The following GABRG1 variants were observed in gnomAD, a reference collection of about 807,000 sequenced individuals.
The protein encoded by GABRG1 is gamma-aminobutyric acid type A receptor subunit gamma1, also known as gamma-aminobutyric acid receptor subunit gamma-1.
In GABRG1, 49 loss-of-function variants were observed where a neutral mutation model predicts 49.8. The observed-to-expected ratio is 0.98, with a 90% CI of 0.78 to 1.25. GABRG1 has a LOEUF of 1.25. GABRG1 is among the 50% of genes most tolerant of loss of function. The pLI is 0.00. For missense variants in GABRG1, 552 were observed against 552.3 expected (o/e 1.00, Z 0.01); for synonymous variants, 232 against 185.1 (o/e 1.25, Z -2.06).
chr4:46,056,124 GA>G (rs1169065450), intron 7 of GABRG1, among the ~76,000 whole-genome samples: 691 of 7,622 alleles, frequency 0.091, 49 homozygotes, highest in African/African-American at 0.1. Flanking sequence ...AAAAAGAAAG[GA>G]AAAAAAAAAA....
chr4:46,111,402 A>G (rs563868829), intron 1 of GABRG1, among the ~76,000 whole-genome samples: 1 of 151,364 alleles, frequency 6.6e-6, no homozygotes, highest in Non-Finnish European at 1.5e-5. Context: ...AATATTATTA[A>G]AAAGGCCATA....
At chr4:46,060,209 T>C (rs926383133) in intron 5 of GABRG1, among the ~76,000 whole-genome samples, 1 of 152,012 alleles carries the variant, frequency 6.6e-6, no homozygotes. Context: ...CATCTCACCC[T>C]GTATGCTGAT....
At chr4:46,060,593 G>T (rs2109404478) in intron 5 of GABRG1, among the ~76,000 whole-genome samples, 1 of 152,204 alleles carries the variant, frequency 6.6e-6, no homozygotes, top group Non-Finnish European at 1.5e-5. Flanking sequence ...TACATAAACA[G>T]AATTCACTAA....
intron 3 of GABRG1, among the ~76,000 whole-genome samples, chr4:46,076,813 CA>C (rs1479506484): frequency 2.6e-5 from 4 of 151,488 alleles, no homozygotes; most frequent in African/African-American, 9.7e-5. Flanking sequence ...TCAAAAAATT[CA>C]AAAAATTTTT....
intron 1 of GABRG1, among the ~76,000 whole-genome samples, chr4:46,121,541 A>C (rs927650497): frequency 1.3e-5 from 2 of 152,034 alleles, no homozygotes; most frequent in African/African-American, 4.8e-5. Context: ...TGGAGAAAGA[A>C]ACATGTTCTA....
At chr4:46,105,986 C>T (rs1242926298) in intron 1 of GABRG1, among the ~76,000 whole-genome samples, 1 of 151,548 alleles carries the variant, frequency 6.6e-6, no homozygotes, top group East Asian at 2.0e-4. Flanking sequence ...TAGCTCTTTA[C>T]TCTCCTTCCT....
intron 5 of GABRG1, among the ~76,000 whole-genome samples, chr4:46,059,581 A>G (rs531140972): frequency 7.5e-4 from 113 of 151,290 alleles, no homozygotes; most frequent in African/African-American, 1.9e-3. Context: ...TTTTCTTTTT[A>G]TTTTTATCTT....
In GABRG1 at chr4:46,083,254, G is replaced by C. The variant is rs147417286; in HGVS notation, c.321+732C>G. Among the ~76,000 whole-genome samples, 554 of 151,756 alleles carry C rather than the reference G, an allele frequency of 3.7e-3. 5 individuals are homozygous for C. Among genetic ancestry groups the C allele is most frequent in the African/African-American group, 0.013 (531 of 41,450 alleles). ...CTCCAGCTTGATTGCAACTGCAGTA[G>C]GTAAGCCCTTGAAGATCTATTGTCC... is the stretch of plus-strand genomic sequence containing the variant. On this transcript the variant is annotated intron_variant, in intron 3 of 8. Coordinates refer to ENST00000295452, the MANE Select transcript of GABRG1 (RefSeq NM_173536.4).
At position 46,123,966 on chromosome 4, in the gene GABRG1, T is replaced by G; in HGVS notation, c.-53A>C. The G allele has an allele frequency of 7.3e-7, 1 of 1,373,236 alleles. No individual in the cohort carries two copies. The highest frequency in any genetic ancestry group is 1.0e-6 in the Non-Finnish European group (1 of 966,150). 85.1% of individuals were successfully genotyped at this position (1,373,236 alleles called of 1,614,324 possible). A position where few individuals can be genotyped will look rare whatever the true frequency, so the allele number is the denominator to read the frequency against. ...CTAGCTCAATTCTCCCAGCCAGGAC[T>G]TTTCCTCCCACCTCAGCAGCAGCTG... is the stretch of plus-strand genomic sequence containing the variant. On this transcript the variant is annotated 5_prime_UTR_variant, in exon 1 of 9. Transcript: ENST00000295452.
chr4:46,076,800 G>A (rs1428781420), intron 3 of GABRG1, among the ~76,000 whole-genome samples: 1 of 151,518 alleles, frequency 6.6e-6, no homozygotes, highest in Non-Finnish European at 1.5e-5. Flanking sequence ...CTATCTTGAA[G>A]TTTCAAAAAA....
chr4:46,070,159 T>TC (rs1719064288), intron 3 of GABRG1, among the ~76,000 whole-genome samples: 1 of 151,884 alleles, frequency 6.6e-6, no homozygotes, highest in Non-Finnish European at 1.5e-5. Context: ...ATTACCAATT[T>TC]CCAATGATTG....
rs1353318125 is a variant in GABRG1, at chr4:46,038,306, T to C, written c.*2682A>G. On this transcript the variant is annotated 3_prime_UTR_variant, in exon 9 of 9. Transcript: ENST00000295452. Reference sequence around the variant, plus strand: ...TAAATAAAATATTACCCTGTCATTGTAAATCCAAAATCACATTTTCCCCTC... The same window carrying C: ...TAAATAAAATATTACCCTGTCATTGCAAATCCAAAATCACATTTTCCCCTC... 1 of 151,672 alleles carries C rather than the reference T, an allele frequency of 6.6e-6. No individual in the cohort carries two copies. Among genetic ancestry groups the C allele is most frequent in the Non-Finnish European group, 1.5e-5 (1 of 67,706 alleles). The allele number at this position is 151,672 out of a possible 1,614,324, so 9.4% of individuals were successfully genotyped here.
chr4:46,107,140 G>A (rs750968669), intron 1 of GABRG1, among the ~76,000 whole-genome samples: 1 of 151,156 alleles, frequency 6.6e-6, no homozygotes, highest in Non-Finnish European at 1.5e-5. Flanking sequence ...GTGCTATGAA[G>A]TAGTAGGTTT....
intron 2 of GABRG1, among the ~76,000 whole-genome samples, chr4:46,095,503 T>G (rs540692168): frequency 1.8e-4 from 28 of 151,888 alleles, no homozygotes; most frequent in Admixed American, 1.8e-3. Context: ...AGTTGAAACC[T>G]TTCTTAAAAA....
At chr4:46,103,793 C>T (rs1390854437) in intron 1 of GABRG1, among the ~76,000 whole-genome samples, 1 of 151,306 alleles carries the variant, frequency 6.6e-6, no homozygotes, top group Non-Finnish European at 1.5e-5. Context: ...GGTGGTTTTG[C>T]TATCCCTATT....
intron 1 of GABRG1, among the ~76,000 whole-genome samples, chr4:46,120,560 GAA>G: frequency 6.6e-6 from 1 of 151,616 alleles, no homozygotes; most frequent in Non-Finnish European, 1.5e-5. Flanking sequence ...AACTATCATG[GAA>G]TATCTTTACT....
intron 1 of GABRG1, among the ~76,000 whole-genome samples, chr4:46,118,177 C>A (rs1342251990): frequency 7.0e-6 from 1 of 142,908 alleles, no homozygotes; most frequent in Non-Finnish European, 1.5e-5. Context: ...TTACCCTTAT[C>A]CTCAACCCCC....
At chr4:46,094,327 C>A (rs765177160) in intron 2 of GABRG1, among the ~76,000 whole-genome samples, 2 of 151,962 alleles carry the variant, frequency 1.3e-5, no homozygotes, top group Non-Finnish European at 2.9e-5. Flanking sequence ...GGAAAGAAAT[C>A]TTTCAAACAT....
At chr4:46,098,993 T>A (rs1387059647) in intron 1 of GABRG1, among the ~76,000 whole-genome samples, 1 of 151,690 alleles carries the variant, frequency 6.6e-6, no homozygotes, top group African/African-American at 2.4e-5. Flanking sequence ...TTATGAGATT[T>A]TAACATCATA....
Sources: allele counts gnomAD v4.1 joint callset (sites outside exome capture counted in the v4.1 genomes callset), GRCh38; gene constraint gnomAD v4.1.1; transcripts MANE v1.5; gene names NCBI Gene and HGNC (gene_info 2026-07-23, HGNC 2026-07-21).